ABR: variants seen among roughly 807,000 people sequenced by gnomAD.
ABR encodes active breakpoint cluster region-related protein.
In ABR, 35 loss-of-function variants were observed where a neutral mutation model predicts 107.2. That is an observed-to-expected ratio of 0.33 (90% CI 0.25 to 0.43). The LOEUF is 0.43. Among genes scored for constraint, ABR ranks in the 20% least tolerant of loss-of-function variants. The pLI is 1.00. For missense variants in ABR, 815 were observed against 1,115.2 expected (o/e 0.73, Z 3.83); for synonymous variants, 498 against 462.0 (o/e 1.08, Z -1.00).
chr17:1,053,507 C>A (rs1044555747), intron 14 of ABR, among the ~76,000 whole-genome samples: 1 of 152,064 alleles, frequency 6.6e-6, no homozygotes, highest in South Asian at 2.1e-4. Context: ...CAGCTCTGCA[C>A]AGATCACCTC....
At position 1,005,555 on chromosome 17, in the gene ABR, G is replaced by A. The variant is rs3263; in HGVS notation, c.*525C>T. 47,816 of 190,912 alleles carry A rather than the reference G, an allele frequency of 0.25. 6,245 individuals are homozygous for A. Among genetic ancestry groups the A allele is most frequent in the African/African-American group, 0.31 (13,271 of 42,966 alleles). The allele number at this position is 190,912 out of a possible 1,614,324, so 11.8% of individuals were successfully genotyped here. ...AGAGCTTTCAAGGCGATGGAGCGAA[G>A]ACCAAGGGTGCACATGCATGCAGGC... is the stretch of plus-strand genomic sequence containing the variant. On this transcript the variant is annotated 3_prime_UTR_variant, in exon 23 of 23. Transcript: ENST00000302538.
At chr17:1,009,830 C>T (rs757626699) in intron 20 of ABR, 46 bp from the exon 21 acceptor site, 1 of 1,528,666 alleles carries the variant, frequency 6.5e-7, no homozygotes, top group South Asian at 1.1e-5. Context: ...CTGGGGCTCC[C>T]CGCCAGGGCC....
At chr17:1,205,955 A>G (rs1011942153) in intron 1 of ABR, among the ~76,000 whole-genome samples, 1 of 150,000 alleles carries the variant, frequency 6.7e-6, no homozygotes, top group Non-Finnish European at 1.5e-5. Context: ...AAAGAAAAAA[A>G]AAATACAAAA....
chr17:1,185,560 G>A (rs565813464), intron 1 of ABR, among the ~76,000 whole-genome samples: 6 of 150,376 alleles, frequency 4.0e-5, no homozygotes, highest in South Asian at 2.1e-4. Context: ...CAGGAGAATC[G>A]CTTGAACCTG....
At chr17:1,102,145 G>C (rs1309069564) in intron 2 of ABR, among the ~76,000 whole-genome samples, 1 of 152,156 alleles carries the variant, frequency 6.6e-6, no homozygotes, top group Non-Finnish European at 1.5e-5. Flanking sequence ...TACCCTTCCA[G>C]TCTTTCCCAC....
chr17:1,139,320 C>T (rs900721257), intron 1 of ABR, among the ~76,000 whole-genome samples: 3 of 152,186 alleles, frequency 2.0e-5, no homozygotes, highest in Non-Finnish European at 4.4e-5. Context: ...GGCGCCATCT[C>T]GGCTCACTGC....
In ABR at chr17:1,057,138, A is replaced by G. The variant is rs767543567; in HGVS notation, c.1382-36T>C. 79 of 1,445,180 alleles carry G rather than the reference A, an allele frequency of 5.5e-5. No individual in the cohort carries two copies. The East Asian group carries it at 1.8e-3, about 32-fold the overall frequency. The allele number at this position is 1,445,180 out of a possible 1,614,324, so 89.5% of individuals were successfully genotyped here. On this transcript the variant is annotated intron_variant, in intron 12 of 22. Coordinates refer to ENST00000302538, the MANE Select transcript of ABR (RefSeq NM_021962.5). ...AGCCGAGAGAGAAGGGAGCGTGGGC[A>G]CTGGTCCACCAGGACCGGCTGCTCT... is the stretch of plus-strand genomic sequence containing the variant.
At chr17:1,194,492 C>CTG (rs1159237737) in intron 1 of ABR, among the ~76,000 whole-genome samples, 1 of 131,628 alleles carries the variant, frequency 7.6e-6, no homozygotes, top group Non-Finnish European at 1.6e-5. Flanking sequence ...ACACTTCGCC[C>CTG]AGCCTTCTTT....
At chr17:1,192,350 G>C (rs756262471) in intron 1 of ABR, among the ~76,000 whole-genome samples, 5 of 152,026 alleles carry the variant, frequency 3.3e-5, no homozygotes, top group Non-Finnish European at 5.9e-5. Context: ...TTCCCAGGCT[G>C]CTTATGATAA....
intron 9 of ABR, among the ~76,000 whole-genome samples, chr17:1,068,529 C>A (rs951399833): frequency 6.6e-6 from 1 of 152,212 alleles, no homozygotes; most frequent in Non-Finnish European, 1.5e-5. Flanking sequence ...GGGTTTGAAT[C>A]CAGACTGCCG....
intron 16 of ABR, among the ~76,000 whole-genome samples, chr17:1,035,143 C>T (rs989404687): frequency 3.3e-5 from 5 of 151,814 alleles, no homozygotes; most frequent in African/African-American, 7.3e-5. Flanking sequence ...CTCATTGCTT[C>T]CTGGAGTCAA....
In ABR at chr17:1,200,447, TAA is replaced by T. The variant is rs1175974399; in HGVS notation, c.838+28344_838+28345del. On this transcript the variant is annotated intron_variant, in intron 1 of 22. Coordinates refer to the ABR transcript ENST00000574139. The surrounding 1 kb of genome is among the most constrained non-coding windows in gnomAD (Gnocchi z 4.1). ...CATGTAACTATTACAGCACCTTATA[TAA>T]GAGACTTGGGCGTCCTGGGATTCTG... 6.6e-6 allele frequency among the ~76,000 whole-genome samples: 1 copy of T among 152,122 alleles called. No individual in the cohort carries two copies. The highest frequency in any genetic ancestry group is 1.5e-5 in the Non-Finnish European group (1 of 68,026).
Position 1,070,348 on chromosome 17 carries a change from G to A in ABR, c.895-258C>T, listed in dbSNP as rs112999722. ...CCCAGATTCACCTTCTGTTAAGTGCGGACAGTGAGGTCTGCCTCATAAGGT... is the reference window on the plus strand; with the variant it reads ...CCCAGATTCACCTTCTGTTAAGTGCAGACAGTGAGGTCTGCCTCATAAGGT... On this transcript the variant is annotated intron_variant, in intron 8 of 22. Coordinates refer to ENST00000302538, the MANE Select transcript of ABR (RefSeq NM_021962.5). This position sits in a 1 kb window ranked among gnomAD's most constrained non-coding sequence, Gnocchi z 4.2. 4.6e-5 allele frequency among the ~76,000 whole-genome samples: 7 copies of A among 152,142 alleles called. No individual in the cohort carries two copies. The highest frequency in any genetic ancestry group is 8.8e-5 in the Non-Finnish European group (6 of 68,032).
At chr17:1,039,418 C>G (rs1484024980) in intron 16 of ABR, 1 of 152,338 alleles carries the variant, frequency 6.6e-6, no homozygotes. Context: ...GTTCGTGCCC[C>G]ACGTTTGGAA....
chr17:1,215,028 T>C (rs541902128), intron 1 of ABR, among the ~76,000 whole-genome samples: 13 of 152,112 alleles, frequency 8.5e-5, no homozygotes, highest in African/African-American at 2.9e-4. Context: ...AAGACCACCC[T>C]GGGCAACATG....
At position 1,022,120 on chromosome 17, in the gene ABR, A is replaced by AAACAAAAAAAC. The variant is rs1555534384; in HGVS notation, c.1792-8957_1792-8956insGTTTTTTTGTT. ...AGACTCTGTCTCAAAAAAAAAAAAA[A>AAACAAAAAAAC]AAAAACAGAAAATGACTCCAGAAGG... On this transcript the variant is annotated intron_variant, in intron 16 of 22. Transcript: ENST00000302538. 7.6e-5 allele frequency among the ~76,000 whole-genome samples: 9 copies of AAACAAAAAAAC among 118,388 alleles called. No individual in the cohort carries two copies. In the South Asian group the frequency reaches 1.4e-3, roughly 18 times the overall value. 77.7% of individuals were successfully genotyped at this position (118,388 alleles called of 152,430 possible).
intron 1 of ABR, among the ~76,000 whole-genome samples, chr17:1,209,285 C>CT (rs913941234): frequency 8.7e-4 from 125 of 144,386 alleles, no homozygotes; most frequent in South Asian, 1.8e-3. Flanking sequence ...TTGTTTCTTT[C>CT]TTTTTTTTTT....
chr17:1,076,143 A>AATACAAGCTGGTC (rs1447482396), intron 6 of ABR, among the ~76,000 whole-genome samples: 1 of 152,190 alleles, frequency 6.6e-6, no homozygotes, highest in African/African-American at 2.4e-5. Context: ...GCCTCAAGCA[A>AATACAAGCTGGTC]TCCTCCTGCC....
rs1221512742 is a variant in ABR, at chr17:1,037,985, C to T, written c.1791+12065G>A. Among the ~76,000 whole-genome samples the T allele has an allele frequency of 2.6e-5, 4 of 152,168 alleles. No homozygotes were observed. The highest frequency in any genetic ancestry group is 3.9e-4 in the East Asian group (2 of 5,190). On this transcript the variant is annotated intron_variant, in intron 16 of 22. Transcript: ENST00000302538. This position sits in a 1 kb window ranked among gnomAD's most constrained non-coding sequence, Gnocchi z 4.6. Reference sequence around the variant, plus strand: ...TTTTCTGCTGAGGACGCACCCCTGCCGTTTTTTCCAAATGAAATTTTATGC... The same window carrying T: ...TTTTCTGCTGAGGACGCACCCCTGCTGTTTTTTCCAAATGAAATTTTATGC...
Sources: gnomAD v4.1 joint callset for allele counts (sites outside exome capture counted in the v4.1 genomes callset) on GRCh38, gnomAD v4.1.1 for gene constraint, Gnocchi (gnomAD v3.1) non-coding constraint, MANE v1.5 for transcripts, NCBI Gene and HGNC (gene_info 2026-07-23, HGNC 2026-07-21) for gene names.